The following ORC3 variants were observed in gnomAD, a reference collection of about 807,000 sequenced individuals.
ORC3 encodes the protein origin recognition complex subunit 3, also known as homolog of latheo, Drosophila.
In ORC3, 78 loss-of-function variants were observed where a neutral mutation model predicts 100.7. That is an observed-to-expected ratio of 0.77 (90% confidence interval 0.65 to 0.94). ORC3 has a LOEUF of 0.94. ORC3 is among the 40% of genes least tolerant of loss of function. The probability of loss-of-function intolerance (pLI) is 0.00; values close to 1 mark genes in which losing one functional copy is unlikely to be tolerated. For synonymous variants in ORC3, 295 were observed against 289.3 expected (o/e 1.02, Z -0.20); for missense variants, 789 against 823.9 (o/e 0.96, Z 0.52).
At chr6:87,673,929 T>A in the ORC3 span, among the ~76,000 whole-genome samples, 1 of 152,128 alleles carries the variant, frequency 6.6e-6, no homozygotes, top group Non-Finnish European at 1.5e-5. Context: ...CTAATTGGCA[T>A]ATAAATTGCC....
chr6:87,616,292 C>G (rs1421753254), intron 8 of ORC3, 22 bp from the exon 9 acceptor site: 1 of 870,056 alleles, frequency 1.1e-6, no homozygotes, highest in African/African-American at 1.7e-5. Context: ...AGTGTGTCCC[C>G]CTCCCTTTTA....
intron 11 of ORC3, among the ~76,000 whole-genome samples, chr6:87,632,674 C>G (rs1049086141): frequency 6.6e-6 from 1 of 152,026 alleles, no homozygotes; most frequent in African/African-American, 2.4e-5. Context: ...ACCAGCCTGG[C>G]CAACATGGTG....
At position 87,622,071 on chromosome 6, in the gene ORC3, T is replaced by C; in HGVS notation, c.1185+58T>C. On this transcript the variant is annotated intron_variant, in intron 11 of 19. Coordinates refer to ENST00000392844, the MANE Select transcript of ORC3 (RefSeq NM_012381.4). ...CTTTTTCCTTTCATAAAGAAGAATATGCATGTAACATTTATTGAGTTAATA... is the reference window on the plus strand; with the variant it reads ...CTTTTTCCTTTCATAAAGAAGAATACGCATGTAACATTTATTGAGTTAATA... 3 of 1,088,456 alleles carry C rather than the reference T, an allele frequency of 2.8e-6. No individual in the cohort carries two copies. The South Asian group carries it at 3.9e-5, about 14-fold the overall frequency. 67.4% of individuals were successfully genotyped at this position (1,088,456 alleles called of 1,614,324 possible). A position where few individuals can be genotyped will look rare whatever the true frequency, so the allele number is the denominator to read the frequency against.
At chr6:87,664,699 T>C (rs1437139926) in intron 17 of ORC3, 44 bp from the exon 18 acceptor site, 9 of 1,467,532 alleles carry the variant, frequency 6.1e-6, no homozygotes, top group Non-Finnish European at 7.6e-6. Context: ...TTATTCCTAA[T>C]AATTTATAAA....
downstream of ORC3, among the ~76,000 whole-genome samples, chr6:87,671,861 CG>C (rs1199067547): frequency 1.3e-5 from 2 of 152,134 alleles, no homozygotes; most frequent in Admixed American, 6.5e-5. Context: ...CTGGAAAAGC[CG>C]TAACTGTTGT....
intron 8 of ORC3, among the ~76,000 whole-genome samples, chr6:87,615,603 G>T (rs1779101216): frequency 6.6e-6 from 1 of 152,176 alleles, no homozygotes; most frequent in African/African-American, 2.4e-5. Context: ...GCTGAGGTGG[G>T]AGAATCACTT....
intron 9 of ORC3, among the ~76,000 whole-genome samples, chr6:87,620,453 A>G (rs569829534): frequency 1.5e-3 from 226 of 152,306 alleles, no homozygotes; most frequent in Admixed American, 4.4e-3. Flanking sequence ...TGTCAGCATT[A>G]TGAACTCAGA....
At chr6:87,644,007 C>T (rs995675284) in intron 13 of ORC3, among the ~76,000 whole-genome samples, 1 of 151,404 alleles carries the variant, frequency 6.6e-6, no homozygotes, top group African/African-American at 2.4e-5. Flanking sequence ...CTCCTACCCC[C>T]CAAAATATTT....
At chr6:87,652,134 G>A (rs1207152731) in intron 13 of ORC3, among the ~76,000 whole-genome samples, 1 of 152,064 alleles carries the variant, frequency 6.6e-6, no homozygotes, top group Non-Finnish European at 1.5e-5. Flanking sequence ...TCCTGACCTC[G>A]TGGTCCACCC....
intron 8 of ORC3, among the ~76,000 whole-genome samples, chr6:87,615,449 C>G (rs28381498): frequency 1.3e-3 from 193 of 152,312 alleles, no homozygotes; most frequent in African/African-American, 3.9e-3. Context: ...TAGCCACTTA[C>G]ACATGGGTTT....
the ORC3 span, chr6:87,675,555 T>G: frequency 6.2e-7 from 1 of 1,612,662 alleles, no homozygotes; most frequent in South Asian, 1.1e-5. Flanking sequence ...TTGCAACAAC[T>G]CAACAAGGAA....
At chr6:87,640,979 A>G (rs1191183029) in intron 13 of ORC3, among the ~76,000 whole-genome samples, 2 of 151,948 alleles carry the variant, frequency 1.3e-5, no homozygotes, top group Non-Finnish European at 2.9e-5. Flanking sequence ...CGTGGTGGCA[A>G]GCACCTCTAA....
Position 87,597,680 on chromosome 6 carries a change from T to TATAC in ORC3, c.79+3274_79+3275insTACA, listed in dbSNP as rs68075116. Among the ~76,000 whole-genome samples the TATAC allele has an allele frequency of 1.1e-3, 146 of 138,524 alleles. 1 individual carries two copies. Among genetic ancestry groups the TATAC allele is most frequent in the African/African-American group, 3.9e-3 (135 of 34,254 alleles). 90.9% of individuals were successfully genotyped at this position (138,524 alleles called of 152,430 possible). The stretch of plus-strand genomic sequence containing the variant: ...TTTTTTAAGTAATGATATATATATA[T>TATAC]ACACACACACACACACACACACACA... On this transcript the variant is annotated intron_variant, in intron 2 of 19. Transcript: ENST00000392844.
intron 13 of ORC3, among the ~76,000 whole-genome samples, chr6:87,649,607 G>A (rs150364447): frequency 1.3e-4 from 20 of 152,232 alleles, no homozygotes; most frequent in Non-Finnish European, 1.5e-5. Flanking sequence ...ATTAGCCGGC[G>A]TGGCAGTGCA....
intron 6 of ORC3, among the ~76,000 whole-genome samples, chr6:87,608,577 G>C (rs1778514829): frequency 6.6e-6 from 1 of 152,060 alleles, no homozygotes; most frequent in Non-Finnish European, 1.5e-5. Flanking sequence ...TACCTGATTT[G>C]CTCCACAATT....
Position 87,601,892 on chromosome 6 carries a change from T to C in ORC3, c.177+11T>C, listed in dbSNP as rs1777929997. Reference sequence around the variant, plus strand: ...AAATCTGAAAATGAGGTGAATACTTTTTTTAATAATTTTCTGTAACACCCT... The same window carrying C: ...AAATCTGAAAATGAGGTGAATACTTCTTTTAATAATTTTCTGTAACACCCT... On this transcript the variant is annotated intron_variant, in intron 3 of 19. Transcript: ENST00000392844. 3 of 1,456,294 alleles carry C rather than the reference T, an allele frequency of 2.1e-6. No individual in the cohort carries two copies. The highest frequency in any genetic ancestry group is 2.8e-5 in the African/African-American group (2 of 71,962). 90.2% of individuals were successfully genotyped at this position (1,456,294 alleles called of 1,614,324 possible). A position where few individuals can be genotyped will look rare whatever the true frequency, so the allele number is the denominator to read the frequency against.
rs1253923168 is a variant in ORC3, at chr6:87,607,700, T to C, written c.455T>C (p.Ile152Thr). ...ATGAAACATTTTTTGCAAAAGTTGA[T>C]CTCACAGTTGATGGACTGCTGTGTA... ...PDMKHFLQKL[I>T]SQLMDCCVDI... Residue 152 changes from isoleucine (I) to threonine (T), a missense_variant, in exon 6 of 20, where the codon ATC becomes ACC. By Grantham distance (89) the Ile-to-Thr change is moderately conservative. Around this residue, in one of 3 missense-constraint regions of ORC3, gnomAD observed 399 missense variants for 382.0 expected, o/e 1.04. Coordinates refer to ENST00000392844, the MANE Select transcript of ORC3 (RefSeq NM_012381.4). The C allele has an allele frequency of 6.2e-7, 1 of 1,606,928 alleles. No individual in the cohort carries two copies. The highest frequency in any genetic ancestry group is 1.7e-5 in the Admixed American group (1 of 58,512).
At position 87,601,889 on chromosome 6, in the gene ORC3, C is replaced by A; in HGVS notation, c.177+8C>A. ...ATGAAATCTGAAAATGAGGTGAATACTTTTTTTAATAATTTTCTGTAACAC... is the reference window on the plus strand; with the variant it reads ...ATGAAATCTGAAAATGAGGTGAATAATTTTTTTAATAATTTTCTGTAACAC... On this transcript the variant is annotated splice_region_variant and intron_variant, in intron 3 of 19. Coordinates refer to ENST00000392844, the MANE Select transcript of ORC3 (RefSeq NM_012381.4). 1 of 1,508,020 alleles carries A rather than the reference C, an allele frequency of 6.6e-7. No individual in the cohort carries two copies. Among genetic ancestry groups the A allele is most frequent in the Non-Finnish European group, 9.2e-7 (1 of 1,084,518 alleles). 93.4% of individuals were successfully genotyped at this position (1,508,020 alleles called of 1,614,324 possible).
intron 7 of ORC3, 67 bp from the exon 8 acceptor site, chr6:87,612,004 TAAAGTTTGTCTTATGTTG>T: frequency 7.9e-7 from 1 of 1,271,654 alleles, no homozygotes; most frequent in Middle Eastern, 2.0e-4. Flanking sequence ...AGCATTAAAA[TAAAGTTTGTCTTATGTTG>T]AAATATGATG....
Sources: allele counts gnomAD v4.1 joint callset (sites outside exome capture counted in the v4.1 genomes callset), GRCh38; gene constraint gnomAD v4.1.1; regional missense constraint gnomAD v4.1.1; transcripts MANE v1.5; gene names NCBI Gene and HGNC (gene_info 2026-07-23, HGNC 2026-07-21).